Variants in MEGF11 observed in about 807,000 individuals in gnomAD.
MEGF11 encodes the protein multiple epidermal growth factor-like domains protein 11.
MEGF11 carries 126 observed loss-of-function variants against 146.6 expected under a neutral mutation model. The observed-to-expected ratio is 0.86, with a 90% confidence interval of 0.74 to 1.00. MEGF11 has a LOEUF of 1.00. Among genes scored for constraint, MEGF11 ranks in the 50% least tolerant of loss-of-function variants. MEGF11 has a pLI of 0.00. For missense variants in MEGF11, 1,509 were observed against 1,521.2 expected (o/e 0.99, Z 0.13); for synonymous variants, 532 against 583.4 (o/e 0.91, Z 1.27).
intron 1 of MEGF11, among the ~76,000 whole-genome samples, chr15:66,131,078 C>G (rs2088627928): frequency 6.6e-6 from 1 of 152,238 alleles, no homozygotes; most frequent in African/African-American, 2.4e-5. Flanking sequence ...GGTTCTCTTC[C>G]CTCTGGTCCA....
intron 2 of MEGF11, 95 bp downstream of exon 2, chr15:66,128,211 G>T (rs2088468003): frequency 1.4e-6 from 1 of 739,090 alleles, no homozygotes; most frequent in Non-Finnish European, 2.1e-6. Context: ...CCCTTAGAGG[G>T]CAGCTCCTGG....
rs539193112 is a variant in MEGF11, at chr15:66,124,072, T to C, written c.99-72A>G. 11 of 1,258,240 alleles carry C rather than the reference T, an allele frequency of 8.7e-6. No individual in the cohort carries two copies. The African/African-American group carries it at 1.6e-4, about 18-fold the overall frequency. The allele number at this position is 1,258,240 out of a possible 1,614,324, so 77.9% of individuals were successfully genotyped here. A position where few individuals can be genotyped will look rare whatever the true frequency, so the allele number is the denominator to read the frequency against. ...CTGAGCTGATATTCCGCAGGGCATCTGAGCCCACAGCCCTGAGGCCAAGCT... is the reference window on the plus strand; with the variant it reads ...CTGAGCTGATATTCCGCAGGGCATCCGAGCCCACAGCCCTGAGGCCAAGCT... On this transcript the variant is annotated intron_variant, in intron 2 of 25. Coordinates refer to ENST00000395614, the MANE Select transcript of MEGF11 (RefSeq NM_001385028.1).
chr15:65,966,677 G>A (rs1303640687), intron 8 of MEGF11, among the ~76,000 whole-genome samples: 1 of 152,142 alleles, frequency 6.6e-6, no homozygotes, highest in Non-Finnish European at 1.5e-5. Context: ...GAGCCCCTAA[G>A]GAGGAAGCCT....
At chr15:66,008,055 C>T (rs886181888) in intron 5 of MEGF11, among the ~76,000 whole-genome samples, 1 of 152,190 alleles carries the variant, frequency 6.6e-6, no homozygotes, top group Non-Finnish European at 1.5e-5. Context: ...GTCCACTATG[C>T]AGACCAAGAG....
intron 1 of MEGF11, among the ~76,000 whole-genome samples, chr15:66,199,830 T>A (rs546419197): frequency 6.6e-6 from 1 of 151,922 alleles, no homozygotes; most frequent in South Asian, 2.1e-4. Flanking sequence ...ATGCTAACAA[T>A]GTAAAAAAAG....
chr15:66,239,876 A>G (rs910723115), intron 1 of MEGF11, among the ~76,000 whole-genome samples: 4 of 152,234 alleles, frequency 2.6e-5, no homozygotes, highest in African/African-American at 4.8e-5. Context: ...GGAAAACCTG[A>G]ACCAATGAAA....
At chr15:66,091,602 C>G (rs1185708441) in intron 5 of MEGF11, among the ~76,000 whole-genome samples, 1 of 152,238 alleles carries the variant, frequency 6.6e-6, no homozygotes, top group African/African-American at 2.4e-5. Context: ...CTTCAACTTG[C>G]TCCTTTGTAA....
At chr15:66,110,009 T>G (rs982514682) in intron 4 of MEGF11, among the ~76,000 whole-genome samples, 1 of 151,876 alleles carries the variant, frequency 6.6e-6, no homozygotes, top group Non-Finnish European at 1.5e-5. Context: ...AGGACAAGGG[T>G]GCAGAGGGGC....
intron 5 of MEGF11, among the ~76,000 whole-genome samples, chr15:66,075,724 C>G (rs1422789331): frequency 1.3e-5 from 2 of 152,180 alleles, no homozygotes; most frequent in African/African-American, 4.8e-5. Flanking sequence ...TGTTTTGAAG[C>G]AAGCAGATCC....
intron 10 of MEGF11, among the ~76,000 whole-genome samples, chr15:65,944,816 G>A (rs1287103951): frequency 6.6e-6 from 1 of 152,050 alleles, no homozygotes; most frequent in Non-Finnish European, 1.5e-5. Flanking sequence ...AAAAGGAGTT[G>A]GGGTGGGGAC....
chr15:66,145,690 T>A (rs778573414), intron 1 of MEGF11, among the ~76,000 whole-genome samples: 1 of 152,044 alleles, frequency 6.6e-6, no homozygotes, highest in African/African-American at 2.4e-5. Context: ...CTTTGCTGGG[T>A]CCTTGGCAGG....
chr15:66,201,930 G>A (rs988018281), intron 1 of MEGF11, among the ~76,000 whole-genome samples: 8 of 118,034 alleles, frequency 6.8e-5, no homozygotes, highest in African/African-American at 2.7e-4. Context: ...CTGGGCGACA[G>A]AGCAAGACTC....
chr15:66,039,754 G>A (rs1203359705), intron 5 of MEGF11, among the ~76,000 whole-genome samples: 4 of 150,936 alleles, frequency 2.7e-5, no homozygotes, highest in Admixed American at 6.6e-5. Flanking sequence ...GTTCTGAGCC[G>A]GGTCAGGCGG....
intron 1 of MEGF11, among the ~76,000 whole-genome samples, chr15:66,234,039 G>A (rs1404748617): frequency 1.4e-5 from 2 of 146,100 alleles, no homozygotes; most frequent in South Asian, 2.2e-4. Flanking sequence ...GGGTTCAAGC[G>A]ATTCTCCTGC....
At chr15:66,113,457 A>G (rs1168933167) in intron 4 of MEGF11, among the ~76,000 whole-genome samples, 2 of 152,192 alleles carry the variant, frequency 1.3e-5, no homozygotes, top group Admixed American at 1.3e-4. Flanking sequence ...GACCAAAAGG[A>G]AACAGGAGAC....
chr15:66,191,088 C>T (rs769084484), intron 1 of MEGF11, among the ~76,000 whole-genome samples: 15 of 152,124 alleles, frequency 9.9e-5, no homozygotes, highest in Non-Finnish European at 1.5e-4. Context: ...CCCCCGATAT[C>T]AGGCCAGACT....
chr15:66,201,600 A>T (rs1403540322), intron 1 of MEGF11, among the ~76,000 whole-genome samples: 1 of 150,934 alleles, frequency 6.6e-6, no homozygotes, highest in East Asian at 2.0e-4. Flanking sequence ...CAATGATGGC[A>T]CCTCTCCCTG....
chr15:66,154,058 A>G lies in MEGF11; in HGVS notation c.-8-25647T>C, dbSNP rs776880721. 9.8e-5 allele frequency among the ~76,000 whole-genome samples: 15 copies of G among 152,342 alleles called. No individual in the cohort carries two copies. The East Asian group carries it at 2.7e-3, about 27-fold the overall frequency. On this transcript the variant is annotated intron_variant, in intron 1 of 25. Transcript: ENST00000395614. ...GCAGCTGGGCTGCCACTAGCCCCTC[A>G]GTGGTCTGCTTCTCCAAAGACAGGC...
intron 1 of MEGF11, among the ~76,000 whole-genome samples, chr15:66,202,247 T>A (rs1435278706): frequency 1.3e-5 from 2 of 152,108 alleles, no homozygotes; most frequent in African/African-American, 4.8e-5. Context: ...CCCAAATGCG[T>A]ACACACACCA....
Sources: allele counts gnomAD v4.1 joint callset (sites outside exome capture counted in the v4.1 genomes callset), GRCh38; gene constraint gnomAD v4.1.1; transcripts MANE v1.5; gene names NCBI Gene and HGNC (gene_info 2026-07-23, HGNC 2026-07-21).